DOCK1: variants seen among roughly 807,000 people sequenced by gnomAD.
DOCK1 encodes dedicator of cytokinesis 1.
In DOCK1, 138 loss-of-function variants were observed where a neutral mutation model predicts 262.7. The ratio of observed to expected loss-of-function variants is 0.53; its 90% confidence interval spans 0.46 to 0.61. DOCK1 has a LOEUF of 0.61. Among genes scored for constraint, DOCK1 ranks in the 20% least tolerant of loss-of-function variants. The pLI is 0.00. For synonymous variants in DOCK1, 866 were observed against 867.4 expected (o/e 1.00, Z 0.03); for missense variants, 1,908 against 2,370.7 (o/e 0.80, Z 4.05).
chr10:127,072,837 T>C (rs1367796732), intron 23 of DOCK1, among the ~76,000 whole-genome samples: 10 of 152,348 alleles, frequency 6.6e-5, no homozygotes, highest in Admixed American at 6.5e-4. Flanking sequence ...AACATCATCA[T>C]GCAAAGTCTG....
intron 38 of DOCK1, among the ~76,000 whole-genome samples, chr10:127,399,941 T>C (rs568110182): frequency 1.1e-4 from 16 of 152,252 alleles, no homozygotes; most frequent in Admixed American, 7.8e-4. Flanking sequence ...CAGACTGAGA[T>C]ATTCCAGGAA....
At chr10:127,411,515 A>G (rs1001994315) in intron 43 of DOCK1, among the ~76,000 whole-genome samples, 1 of 152,192 alleles carries the variant, frequency 6.6e-6, no homozygotes, top group Non-Finnish European at 1.5e-5. Context: ...ACTAGGTGCC[A>G]GTGCCACCAC....
chr10:127,060,681 T>C (rs562872520), intron 22 of DOCK1, among the ~76,000 whole-genome samples: 1 of 152,348 alleles, frequency 6.6e-6, no homozygotes, highest in Admixed American at 6.5e-5. Context: ...ACGAGACTTA[T>C]TTTCAATTAG....
chr10:127,427,283 C>T (rs2068877977), intron 47 of DOCK1, among the ~76,000 whole-genome samples: 1 of 152,212 alleles, frequency 6.6e-6, no homozygotes, highest in Non-Finnish European at 1.5e-5. Flanking sequence ...GCACTTTCCT[C>T]TGCTCCTTGA....
At chr10:127,037,682 T>C (rs769672133) in intron 18 of DOCK1, 37 bp from the exon 19 acceptor site, 1 of 1,526,624 alleles carries the variant, frequency 6.6e-7, no homozygotes, top group South Asian at 1.2e-5. Flanking sequence ...CAGAGTTTCT[T>C]GCTTGTGAAG....
intron 27 of DOCK1, among the ~76,000 whole-genome samples, chr10:127,215,896 C>T (rs1040485124): frequency 7.2e-5 from 11 of 151,920 alleles, no homozygotes; most frequent in Non-Finnish European, 1.3e-4. Flanking sequence ...ACAAGATTTC[C>T]CCTTTATTAC....
chr10:126,964,324 C>T (rs1490757008), intron 1 of DOCK1, among the ~76,000 whole-genome samples: 1 of 152,190 alleles, frequency 6.6e-6, no homozygotes, highest in Non-Finnish European at 1.5e-5. Flanking sequence ...AAGCCCAGCT[C>T]AGTGTGGACC....
chr10:127,379,875 A>T (rs1156640163), intron 35 of DOCK1, among the ~76,000 whole-genome samples: 1 of 152,162 alleles, frequency 6.6e-6, no homozygotes. Context: ...CAGTGTAGAA[A>T]TGTAATTGTG....
intron 15 of DOCK1, among the ~76,000 whole-genome samples, chr10:127,025,785 G>A (rs560189437): frequency 4.5e-4 from 68 of 152,146 alleles, no homozygotes; most frequent in Non-Finnish European, 7.1e-4. Context: ...AATCTTGGCC[G>A]GATGTGGTGG....
intron 29 of DOCK1, among the ~76,000 whole-genome samples, chr10:127,301,110 A>G (rs976209067): frequency 6.6e-6 from 1 of 152,240 alleles, no homozygotes; most frequent in East Asian, 1.9e-4. Context: ...TGTAAAAGCC[A>G]GGATCCACCA....
chr10:127,221,711 T>TGTCC (rs1287657600), intron 27 of DOCK1, among the ~76,000 whole-genome samples: 1 of 152,240 alleles, frequency 6.6e-6, no homozygotes, highest in East Asian at 1.9e-4. Context: ...TGGGCAGAGC[T>TGTCC]GTCCGGTGCA....
At chr10:126,927,933 A>G (rs1353760565) in intron 1 of DOCK1, among the ~76,000 whole-genome samples, 1 of 152,002 alleles carries the variant, frequency 6.6e-6, no homozygotes, top group Non-Finnish European at 1.5e-5. Context: ...GAGTGGTCTC[A>G]GGGAAGACAC....
intron 38 of DOCK1, among the ~76,000 whole-genome samples, chr10:127,397,744 CTGTATGACA>C (rs2066989379): frequency 9.7e-6 from 1 of 102,956 alleles, no homozygotes; most frequent in Admixed American, 1.2e-4. Flanking sequence ...GCAGCGACTC[CTGTATGACA>C]CGGGCAGCGA....
At position 127,442,496 on chromosome 10, in the gene DOCK1, T is replaced by A. The variant is rs116818899; in HGVS notation, c.5260-1630T>A. Among the ~76,000 whole-genome samples, 1,053 of 152,278 alleles carry A rather than the reference T, an allele frequency of 6.9e-3. 12 individuals carry two copies. The highest frequency in any genetic ancestry group is 0.024 in the African/African-American group (988 of 41,538). On this transcript the variant is annotated intron_variant, in intron 49 of 51. Transcript: ENST00000623213. ...ACTGCTCCTGTTCCCCAAAGCCTGATGATCTGAGACCAACCTGTAAGAAAT... is the reference window on the plus strand; with the variant it reads ...ACTGCTCCTGTTCCCCAAAGCCTGAAGATCTGAGACCAACCTGTAAGAAAT...
intron 47 of DOCK1, among the ~76,000 whole-genome samples, chr10:127,426,458 C>T (rs536893124): frequency 6.6e-6 from 1 of 152,310 alleles, no homozygotes; most frequent in African/African-American, 2.4e-5. Flanking sequence ...ATCAGAGGAT[C>T]ATGGCCATCG....
chr10:126,987,614 C>T lies in DOCK1; in HGVS notation c.321C>T (p.Tyr107=), dbSNP rs766262967. ...REWSTIWRQL[Y]VQDNREMFRS... is the part of the protein sequence containing the mutation. ...GGTCCACCATCTGGAGGCAGCTCTA[C>T]GTGGTGAGAAAATGAGATATTCATT... Residue 107 remains tyrosine (Y), a synonymous_variant, in exon 5 of 52, where the codon TAC becomes TAT. Transcript: ENST00000623213. 2.9e-5 allele frequency: 45 copies of T among 1,558,524 alleles called. No individual in the cohort carries two copies. In the Admixed American group the frequency reaches 3.5e-4, roughly 12 times the overall value.
intron 27 of DOCK1, among the ~76,000 whole-genome samples, chr10:127,208,509 G>A (rs537181437): frequency 5.3e-5 from 8 of 152,218 alleles, no homozygotes; most frequent in African/African-American, 1.9e-4. Context: ...TTCTATAATT[G>A]TTCTCTGTAA....
intron 1 of DOCK1, among the ~76,000 whole-genome samples, chr10:126,947,103 G>A (rs1044451758): frequency 1.9e-4 from 29 of 152,344 alleles, no homozygotes; most frequent in Admixed American, 5.9e-4. Flanking sequence ...CAGTCTTTGC[G>A]TGCAGAAATG....
rs371374727 is a variant in DOCK1, at chr10:127,215,834, AC to A, written c.2848-32168del. 6.7e-3 allele frequency among the ~76,000 whole-genome samples: 981 copies of A among 145,416 alleles called. 4 individuals are homozygous for A. Among genetic ancestry groups the A allele is most frequent in the African/African-American group, 0.014 (536 of 39,030 alleles). On this transcript the variant is annotated intron_variant, in intron 27 of 51. Coordinates refer to ENST00000623213, the MANE Select transcript of DOCK1 (RefSeq NM_001290223.2). ...AAACAAGCAAACAACACCCCCCCTC[AC>A]CCCCCAGAAAACAACAAAAGCAAAA...
Sources: allele counts gnomAD v4.1 joint callset (sites outside exome capture counted in the v4.1 genomes callset), GRCh38; gene constraint gnomAD v4.1.1; transcripts MANE v1.5; gene names NCBI Gene and HGNC (gene_info 2026-07-23, HGNC 2026-07-21).